The following CMTM8 variants were observed in gnomAD, a reference collection of about 807,000 sequenced individuals.
CMTM8 encodes the protein CKLF-like MARVEL transmembrane domain-containing protein 8.
In CMTM8, 12 loss-of-function variants were observed where a neutral mutation model predicts 18.6. The observed-to-expected ratio is 0.65, with a 90% CI of 0.41 to 1.05. The LOEUF is 1.05. Among genes scored for constraint, CMTM8 ranks in the 50% least tolerant of loss-of-function variants. The pLI is 0.00. For synonymous variants in CMTM8, 87 were observed against 90.6 expected, an observed-to-expected ratio of 0.96 and a Z score of 0.23; for missense variants, 217 against 227.2, an observed-to-expected ratio of 0.95 and a Z score of 0.29.
At chr3:32,346,814 C>CT (rs34230571) in intron 1 of CMTM8, among the ~76,000 whole-genome samples, 5,198 of 131,458 alleles carry the variant, frequency 0.04, 282 homozygotes, top group African/African-American at 0.13. Flanking sequence ...TGTTATAATT[C>CT]TTTTTTTTTT....
At chr3:32,330,433 A>G (rs886353791) in intron 1 of CMTM8, among the ~76,000 whole-genome samples, 3 of 152,088 alleles carry the variant, frequency 2.0e-5, no homozygotes, top group Non-Finnish European at 4.4e-5. Flanking sequence ...AATCTCACCT[A>G]TGAATAACCA....
At chr3:32,261,428 A>C (rs1398838227) in intron 1 of CMTM8, among the ~76,000 whole-genome samples, 1 of 152,200 alleles carries the variant, frequency 6.6e-6, no homozygotes, top group East Asian at 1.9e-4. Flanking sequence ...GGAAAAACTC[A>C]AGTTTTCAAA....
At chr3:32,242,023 A>T (rs1198897558) in intron 1 of CMTM8, among the ~76,000 whole-genome samples, 1 of 152,202 alleles carries the variant, frequency 6.6e-6, no homozygotes, top group African/African-American at 2.4e-5. Context: ...GCCTGCACAC[A>T]GCTGGCCGAC....
chr3:32,312,018 T>C (rs1695828247), intron 1 of CMTM8, among the ~76,000 whole-genome samples: 1 of 152,192 alleles, frequency 6.6e-6, no homozygotes, highest in African/African-American at 2.4e-5. Flanking sequence ...ATAAAAATTG[T>C]TTTCAAGAAT....
intron 2 of CMTM8, among the ~76,000 whole-genome samples, chr3:32,362,508 C>T (rs1231094770): frequency 6.6e-6 from 1 of 152,122 alleles, no homozygotes; most frequent in African/African-American, 2.4e-5. Flanking sequence ...GCTTGAGAGC[C>T]AGGAATGGGA....
intron 1 of CMTM8, among the ~76,000 whole-genome samples, chr3:32,311,868 G>A (rs1039015953): frequency 1.3e-5 from 2 of 152,342 alleles, no homozygotes; most frequent in Middle Eastern, 3.4e-3. Context: ...GGAAGAAACT[G>A]AGGCAAATTA....
chr3:32,351,574 A>T (rs1262325468), intron 1 of CMTM8, among the ~76,000 whole-genome samples: 6 of 151,744 alleles, frequency 4.0e-5, no homozygotes, highest in Non-Finnish European at 7.4e-5. Flanking sequence ...AGTTAGCCAG[A>T]TGTGGTGTAT....
chr3:32,282,128 T>C (rs1702617893), intron 1 of CMTM8, among the ~76,000 whole-genome samples: 1 of 152,152 alleles, frequency 6.6e-6, no homozygotes, highest in South Asian at 2.1e-4. Context: ...ATATGTCTCA[T>C]AGGCAACTCA....
chr3:32,300,973 A>T (rs953099947), intron 1 of CMTM8, among the ~76,000 whole-genome samples: 6 of 149,680 alleles, frequency 4.0e-5, no homozygotes, highest in African/African-American at 1.5e-4. Flanking sequence ...AAAAAAAAAA[A>T]AATCTTTTAA....
intron 1 of CMTM8, among the ~76,000 whole-genome samples, chr3:32,254,942 T>A (rs1702157745): frequency 1.3e-5 from 2 of 152,230 alleles, no homozygotes; most frequent in South Asian, 4.1e-4. Context: ...CCTAGTCAGC[T>A]ACTAATCTAC....
intron 1 of CMTM8, among the ~76,000 whole-genome samples, chr3:32,280,323 C>T (rs1702587440): frequency 6.6e-6 from 1 of 152,184 alleles, no homozygotes. Context: ...TTTGCACCCC[C>T]ACCCACTTTT....
At chr3:32,321,547 G>C (rs568142523) in intron 1 of CMTM8, among the ~76,000 whole-genome samples, 1 of 152,280 alleles carries the variant, frequency 6.6e-6, no homozygotes, top group South Asian at 2.1e-4. Context: ...TGCTAAATCA[G>C]GAGTTGGCAA....
intron 1 of CMTM8, among the ~76,000 whole-genome samples, chr3:32,264,103 C>T (rs1431073964): frequency 6.6e-6 from 1 of 152,142 alleles, no homozygotes; most frequent in Admixed American, 6.6e-5. Flanking sequence ...CAGAGAACTC[C>T]ACAAAGATAC....
intron 1 of CMTM8, among the ~76,000 whole-genome samples, chr3:32,263,794 G>A (rs986411822): frequency 4.6e-5 from 7 of 152,314 alleles, no homozygotes; most frequent in South Asian, 2.1e-4. Flanking sequence ...CGAGAACTAC[G>A]TGACGAATGC....
intron 1 of CMTM8, among the ~76,000 whole-genome samples, chr3:32,257,018 C>A (rs1202031403): frequency 1.3e-5 from 2 of 152,170 alleles, no homozygotes; most frequent in East Asian, 3.8e-4. Context: ...GGTGATATCT[C>A]CCTAGATACC....
At chr3:32,340,291 G>C (rs1052585547) in intron 1 of CMTM8, among the ~76,000 whole-genome samples, 1 of 152,164 alleles carries the variant, frequency 6.6e-6, no homozygotes, top group Admixed American at 6.5e-5. Context: ...CCCTCTAGTG[G>C]ATAAGTGAAG....
chr3:32,279,042 C>T (rs1008923148), intron 1 of CMTM8, among the ~76,000 whole-genome samples: 1 of 152,166 alleles, frequency 6.6e-6, no homozygotes, highest in Non-Finnish European at 1.5e-5. Context: ...TAGCAGGACT[C>T]AGTCTCTCTT....
chr3:32,347,204 A>G (rs921214498), intron 1 of CMTM8, among the ~76,000 whole-genome samples: 19 of 151,814 alleles, frequency 1.3e-4, no homozygotes, highest in African/African-American at 4.6e-4. Flanking sequence ...TGAGTGTTGT[A>G]GTGAACAATG....
At chr3:32,257,791 A>G (rs1702193405) in intron 1 of CMTM8, among the ~76,000 whole-genome samples, 1 of 152,076 alleles carries the variant, frequency 6.6e-6, no homozygotes, top group Non-Finnish European at 1.5e-5. Flanking sequence ...TGTTTGTAAT[A>G]GTAGATGAGA....
Sources: allele counts gnomAD v4.1 joint callset (sites outside exome capture counted in the v4.1 genomes callset), GRCh38; gene constraint gnomAD v4.1.1; transcripts MANE v1.5; gene names NCBI Gene and HGNC (gene_info 2026-07-23, HGNC 2026-07-21).